FSD2: variants seen among roughly 807,000 people sequenced by gnomAD.
FSD2 encodes the protein fibronectin type III and SPRY domain-containing protein 2.
In FSD2, 71 loss-of-function variants were observed where a neutral mutation model predicts 80.4. That is an observed-to-expected ratio of 0.88 (90% CI 0.73 to 1.08). FSD2 has a LOEUF of 1.08. Among genes scored for constraint, FSD2 ranks in the 50% least tolerant of loss-of-function variants. FSD2 has a pLI of 0.00. For synonymous variants in FSD2, 361 were observed against 329.5 expected (o/e 1.10, Z -1.03); for missense variants, 923 against 913.8 (o/e 1.01, Z -0.13).
chr15:82,795,144 A>G (rs1439659934), intron 1 of FSD2, among the ~76,000 whole-genome samples: 1 of 152,124 alleles, frequency 6.6e-6, no homozygotes, highest in African/African-American at 2.4e-5. Flanking sequence ...TGCTGTTTAC[A>G]TGATTTATCT....
chr15:82,769,786 G>T lies in FSD2; in HGVS notation c.1366C>A (p.Pro456Thr). The T allele has an allele frequency of 6.2e-7, 1 of 1,613,906 alleles. No homozygotes were observed. The highest frequency in any genetic ancestry group is 1.3e-5 in the African/African-American group (1 of 75,010). The change falls in exon 8 of 13, where the codon CCC becomes ACC. Residue 456 changes from proline (P) to threonine (T), a missense_variant. Pro to Thr is a conservative substitution (Grantham distance 38). Transcript: ENST00000334574. ...ACTGCACGCTCGCTAGAGGGGCTGGGGCCAGCCCTGTTGTGAGCTGTGACC... is the reference window on the plus strand; with the variant it reads ...ACTGCACGCTCGCTAGAGGGGCTGGTGCCAGCCCTGTTGTGAGCTGTGACC... ...FWVTAHNRAG[P>T]SPSSERAVYM...
chr15:82,758,599 C>T lies in FSD2; in HGVS notation c.*749G>A, dbSNP rs929809582. ...TTTGAAAGAGCCCTGCCATCCTTCA[C>T]ATGGAGAGCAGTAAGAGGCCAAAGA... On this transcript the variant is annotated 3_prime_UTR_variant, in exon 13 of 13. Coordinates refer to ENST00000334574, the MANE Select transcript of FSD2 (RefSeq NM_001007122.4). The T allele has an allele frequency of 1.3e-5, 2 of 153,044 alleles. No individual in the cohort carries two copies. Among genetic ancestry groups the T allele is most frequent in the Non-Finnish European group, 2.9e-5 (2 of 68,060 alleles). 9.5% of individuals were successfully genotyped at this position (153,044 alleles called of 1,614,324 possible).
At chr15:82,788,371 G>C (rs554328778) in intron 1 of FSD2, among the ~76,000 whole-genome samples, 14 of 151,504 alleles carry the variant, frequency 9.2e-5, no homozygotes, top group African/African-American at 3.4e-4. Context: ...AGGCATAGTG[G>C]TGTGCACGTG....
intron 11 of FSD2, among the ~76,000 whole-genome samples, chr15:82,764,338 C>T (rs994371596): frequency 6.6e-6 from 1 of 152,098 alleles, no homozygotes; most frequent in African/African-American, 2.4e-5. Context: ...ATAGGGTGTA[C>T]ACCAAGTAAC....
intron 9 of FSD2, 117 bp from the exon 10 acceptor site, chr15:82,766,148 C>T: frequency 8.9e-7 from 1 of 1,123,038 alleles, no homozygotes; most frequent in Admixed American, 2.9e-5. Flanking sequence ...GTCCTCTGAC[C>T]CACATTTAAC....
At chr15:82,790,967 A>G (rs1426654179) in intron 1 of FSD2, among the ~76,000 whole-genome samples, 1 of 151,856 alleles carries the variant, frequency 6.6e-6, no homozygotes, top group African/African-American at 2.4e-5. Flanking sequence ...TTAAAAATGT[A>G]TACTTTAGTG....
In FSD2 at chr15:82,787,138, C is replaced by T; in HGVS notation, c.253G>A (p.Glu85Lys). The T allele has an allele frequency of 6.2e-7, 1 of 1,614,052 alleles. No homozygotes were observed. Among genetic ancestry groups the T allele is most frequent in the Non-Finnish European group, 8.5e-7 (1 of 1,179,900 alleles). The change falls in exon 2 of 13, where the codon GAA (glutamate) becomes AAA (lysine). Residue 85 changes from glutamate (E) to lysine (K), a missense_variant. Glu to Lys is a moderately conservative substitution (Grantham distance 56). Transcript: ENST00000334574. ...VHLYGLEDDH[E>K]LGDEFVDENI... ...TCATCAACAAACTCATCCCCTAATT[C>T]ATGATCATCTTCAAGTCCATATAAG... is the stretch of plus-strand genomic sequence containing the variant.
intron 3 of FSD2, among the ~76,000 whole-genome samples, chr15:82,784,859 G>A (rs543647442): frequency 1.1e-4 from 16 of 152,264 alleles, no homozygotes; most frequent in South Asian, 4.1e-4. Context: ...CATCTGGAAG[G>A]TTGGGTTGAG....
Position 82,778,790 on chromosome 15 carries a change from T to C in FSD2, c.1087A>G (p.Met363Val). The C allele has an allele frequency of 6.2e-7, 1 of 1,613,152 alleles. No homozygotes were observed. Among genetic ancestry groups the C allele is most frequent in the Non-Finnish European group, 8.5e-7 (1 of 1,179,500 alleles). Reference sequence around the variant, plus strand: ...CCTGGAATGGTGTTAATGGAGCCCATCAGCTGCTCCACATCAGAGAAATCC... The same window carrying C: ...CCTGGAATGGTGTTAATGGAGCCCACCAGCTGCTCCACATCAGAGAAATCC... ...TLDFSDVEQLMGSINTIPAPS... is the reference protein window; with the variant it reads ...TLDFSDVEQLVGSINTIPAPS... Residue 363 changes from methionine to valine, a missense_variant, in exon 6 of 13, where the codon ATG becomes GTG. By Grantham distance (21) the Met-to-Val change is conservative. Transcript: ENST00000334574.
intron 1 of FSD2, among the ~76,000 whole-genome samples, chr15:82,805,392 C>T (rs1566986753): frequency 1.3e-5 from 2 of 152,256 alleles, no homozygotes; most frequent in Non-Finnish European, 2.9e-5. Context: ...TGAGCCACAG[C>T]AGTGAAAGAA....
At chr15:82,790,785 CTG>C (rs1313070516) in intron 1 of FSD2, among the ~76,000 whole-genome samples, 1 of 145,268 alleles carries the variant, frequency 6.9e-6, no homozygotes, top group African/African-American at 2.6e-5. Context: ...CAGGGTTTCA[CTG>C]TGTTAGCCAG....
intron 7 of FSD2, among the ~76,000 whole-genome samples, chr15:82,770,399 C>T (rs1363157568): frequency 2.6e-5 from 4 of 152,176 alleles, no homozygotes; most frequent in East Asian, 1.9e-4. Flanking sequence ...GGGCCGGGCG[C>T]GGTAGCTCAT....
chr15:82,787,537 G>T, intron 1 of FSD2, 69 bp from the exon 2 acceptor site: 1 of 685,050 alleles, frequency 1.5e-6, no homozygotes, highest in Non-Finnish European at 2.4e-6. Context: ...CATTAGATTG[G>T]GCTCTACTCA....
rs1041870956 is a variant in FSD2, at chr15:82,798,883, T to G, written c.-79+7083A>C. Reference sequence around the variant, plus strand: ...TCCACTATCTCCACTGTTTTGTTTTTTTTTTTTTTTTTGAGACAGGGTCTT... The same window carrying G: ...TCCACTATCTCCACTGTTTTGTTTTGTTTTTTTTTTTTGAGACAGGGTCTT... On this transcript the variant is annotated intron_variant, in intron 1 of 12. Coordinates refer to ENST00000334574, the MANE Select transcript of FSD2 (RefSeq NM_001007122.4). Among the ~76,000 whole-genome samples, 110 of 148,912 alleles carry G rather than the reference T, an allele frequency of 7.4e-4. 2 individuals carry two copies. Among genetic ancestry groups the G allele is most frequent in the Non-Finnish European group, 2.5e-4 (17 of 67,218 alleles).
At chr15:82,760,739 G>GCACGCA (rs1555475166) in intron 12 of FSD2, among the ~76,000 whole-genome samples, 3 of 150,140 alleles carry the variant, frequency 2.0e-5, no homozygotes, top group East Asian at 3.9e-4. Context: ...GTGCGTGCAC[G>GCACGCA]CACACACACA....
At position 82,759,479 on chromosome 15, in the gene FSD2, G is replaced by A; in HGVS notation, c.2119C>T (p.Leu707Phe). 1 of 1,613,302 alleles carries A rather than the reference G, an allele frequency of 6.2e-7. No individual in the cohort carries two copies. The highest frequency in any genetic ancestry group is 1.1e-5 in the South Asian group (1 of 90,878). The change falls in exon 13 of 13, where the codon CTT (leucine) becomes TTT (phenylalanine). Residue 707 changes from leucine (L) to phenylalanine (F), a missense_variant. Physicochemically the swap from Leu to Phe is conservative, Grantham distance 22. Coordinates refer to ENST00000334574, the MANE Select transcript of FSD2 (RefSeq NM_001007122.4). ...HSKLSFFNVD[L>F]SQHLYTFSCQ... Reference sequence around the variant, plus strand: ...CTAAATGTATATAGATGCTGAGAAAGGTCCACATTGAAAAATGACAACTTT... The same window carrying A: ...CTAAATGTATATAGATGCTGAGAAAAGTCCACATTGAAAAATGACAACTTT...
intron 6 of FSD2, among the ~76,000 whole-genome samples, chr15:82,774,056 G>A (rs777127471): frequency 1.4e-4 from 21 of 152,216 alleles, no homozygotes; most frequent in Admixed American, 6.5e-5. Context: ...TTATAAATAA[G>A]TAATCACAAT....
At chr15:82,785,045 G>A (rs890439209) in intron 3 of FSD2, among the ~76,000 whole-genome samples, 5 of 152,148 alleles carry the variant, frequency 3.3e-5, no homozygotes, top group African/African-American at 9.7e-5. Context: ...AGGCTGAACC[G>A]TGAAAGAGGA....
chr15:82,759,605 A>G lies in FSD2; in HGVS notation c.1998-5T>C, dbSNP rs1241668818. Reference sequence around the variant, plus strand: ...TGCAGAAATTCATACTTATGCCTGAAAATTAAATTTGACATAATAAAGTTT... The same window carrying G: ...TGCAGAAATTCATACTTATGCCTGAGAATTAAATTTGACATAATAAAGTTT... On this transcript the variant is annotated splice_polypyrimidine_tract_variant and splice_region_variant and intron_variant, in intron 12 of 12. Transcript: ENST00000334574. 6.4e-7 allele frequency: 1 copy of G among 1,553,158 alleles called. No homozygotes were observed. Among genetic ancestry groups the G allele is most frequent in the South Asian group, 1.2e-5 (1 of 82,516 alleles).
Sources: gnomAD v4.1 joint callset for allele counts (sites outside exome capture counted in the v4.1 genomes callset) on GRCh38, gnomAD v4.1.1 for gene constraint, MANE v1.5 for transcripts, NCBI Gene and HGNC (gene_info 2026-07-23, HGNC 2026-07-21) for gene names.